The following IQCH variants were observed in gnomAD, a reference collection of about 807,000 sequenced individuals.
IQCH encodes IQ motif containing H, also known as IQ domain-containing protein H.
A neutral mutation model predicts 117.0 loss-of-function variants in IQCH; 98 were observed. The observed-to-expected ratio is 0.84, with a 90% CI of 0.71 to 0.99. The LOEUF (loss-of-function observed/expected upper bound fraction) is 0.99, where lower values mean the gene tolerates loss of function less well. Among genes scored for constraint, IQCH ranks in the 50% least tolerant of loss-of-function variants. The pLI is 0.00. For missense variants in IQCH, 1,102 were observed against 1,243.8 expected (o/e 0.89, Z 1.72); for synonymous variants, 412 against 448.2 (o/e 0.92, Z 1.02).
chr15:67,410,881 C>T (rs1347288450), intron 14 of IQCH, among the ~76,000 whole-genome samples: 2 of 152,118 alleles, frequency 1.3e-5, no homozygotes, highest in African/African-American at 4.8e-5. Flanking sequence ...TGGCAGTTAC[C>T]AGCACAGATT....
At position 67,395,532 on chromosome 15, in the gene IQCH, C is replaced by A. The variant is rs1971436499; in HGVS notation, c.1874C>A (p.Pro625His). The A allele has an allele frequency of 2.5e-6, 4 of 1,613,902 alleles. No homozygotes were observed. ...GACAGTGCCAATGTGGCAGTTCCTC[C>A]TGGAATATATGATATTTATAGTCAG... is the stretch of plus-strand genomic sequence containing the variant. ...VFDSANVAVPPGIYDIYSQQQ... is the reference protein window; with the variant it reads ...VFDSANVAVPHGIYDIYSQQQ... The change falls in exon 13 of 21, where the codon CCT (proline) becomes CAT (histidine). Residue 625 changes from proline to histidine, a missense_variant. Coordinates refer to ENST00000335894, the MANE Select transcript of IQCH (RefSeq NM_001031715.3). The surrounding 1 kb of genome is among the most constrained non-coding windows in gnomAD (Gnocchi z 4.0).
chr15:67,347,557 A>T (rs1400708219), intron 6 of IQCH, among the ~76,000 whole-genome samples: 1 of 151,942 alleles, frequency 6.6e-6, no homozygotes. Context: ...AAAAAAAATG[A>T]TACCATATGG....
chr15:67,412,825 T>C (rs1280476989), intron 14 of IQCH, among the ~76,000 whole-genome samples: 1 of 152,236 alleles, frequency 6.6e-6, no homozygotes, highest in Non-Finnish European at 1.5e-5. Flanking sequence ...ATGGTTCCCC[T>C]AACTCTGTTA....
intron 6 of IQCH, among the ~76,000 whole-genome samples, chr15:67,351,050 G>A (rs928293669): frequency 6.6e-6 from 1 of 152,082 alleles, no homozygotes; most frequent in African/African-American, 2.4e-5. Context: ...CATTTCTTTT[G>A]GCTGCTGTAG....
chr15:67,400,190 T>C lies in IQCH; in HGVS notation c.1982T>C (p.Phe661Ser). ...QRWLFKMDSE[F>S]RGNGTAFCDI... ...TGGCTCTTTAAAATGGACTCTGAGT[T>C]CCGAGGAAATGGGACTGCATTTTGT... Residue 661 changes from phenylalanine to serine, a missense_variant, in exon 14 of 21, where the codon TTC (phenylalanine) becomes TCC (serine). This residue lies in a region of IQCH where 650 missense variants were observed against 794.3 expected (regional missense o/e 0.82). Transcript: ENST00000335894. 6.2e-7 allele frequency: 1 copy of C among 1,613,834 alleles called. No individual in the cohort carries two copies. The highest frequency in any genetic ancestry group is 8.5e-7 in the Non-Finnish European group (1 of 1,179,818).
In IQCH at chr15:67,277,779, C is replaced by T. The variant is rs1170517520; in HGVS notation, c.270-1616C>T. ...CGATCTCCTGACCTCATGATCCACC[C>T]GCCTCAGCCTCCCAAAGTGCTGGGA... is the stretch of plus-strand genomic sequence containing the variant. On this transcript the variant is annotated intron_variant, in intron 3 of 20. Coordinates refer to ENST00000335894, the MANE Select transcript of IQCH (RefSeq NM_001031715.3). 7.2e-5 allele frequency among the ~76,000 whole-genome samples: 11 copies of T among 152,084 alleles called. No individual in the cohort carries two copies. The South Asian group carries it at 1.7e-3, about 23-fold the overall frequency.
chr15:67,446,262 C>T (rs1178179829), intron 16 of IQCH, among the ~76,000 whole-genome samples: 2 of 152,074 alleles, frequency 1.3e-5, no homozygotes, highest in Admixed American at 6.5e-5. Context: ...CTACAAATTG[C>T]CTCAAAGATC....
Position 67,496,860 on chromosome 15 carries a change from T to G in IQCH, c.2970+2494T>G, listed in dbSNP as rs1245260307. Among the ~76,000 whole-genome samples, 1 of 147,906 alleles carries G rather than the reference T, an allele frequency of 6.8e-6. No homozygotes were observed. Among genetic ancestry groups the G allele is most frequent in the Admixed American group, 6.7e-5 (1 of 14,928 alleles). ...GGTGAAACCCCGTCTCTACTAAAAA[T>G]ACAAAAAATTAGCCGGGCACGGTGG... is the stretch of plus-strand genomic sequence containing the variant. On this transcript the variant is annotated intron_variant, in intron 20 of 20. Coordinates refer to ENST00000335894, the MANE Select transcript of IQCH (RefSeq NM_001031715.3). This position sits in a 1 kb window ranked among gnomAD's most constrained non-coding sequence, Gnocchi z 4.4.
In IQCH at chr15:67,475,936, T is replaced by C; in HGVS notation, c.2799+118T>C. 1 of 873,012 alleles carries C rather than the reference T, an allele frequency of 1.1e-6. No individual in the cohort carries two copies. The highest frequency in any genetic ancestry group is 1.8e-6 in the Non-Finnish European group (1 of 562,102). 54.1% of individuals were successfully genotyped at this position (873,012 alleles called of 1,614,324 possible). A position where few individuals can be genotyped will look rare whatever the true frequency, so the allele number is the denominator to read the frequency against. ...TCTTTAAATACCGGTTTGACGTGTC[T>C]GTAGAGGAAGGCTGATTGCTGCTTG... On this transcript the variant is annotated intron_variant, in intron 18 of 20. Coordinates refer to ENST00000335894, the MANE Select transcript of IQCH (RefSeq NM_001031715.3). The surrounding 1 kb of genome is among the most constrained non-coding windows in gnomAD (Gnocchi z 5.7).
intron 4 of IQCH, among the ~76,000 whole-genome samples, chr15:67,299,929 G>A (rs1035528545): frequency 1.3e-5 from 2 of 152,040 alleles, no homozygotes; most frequent in African/African-American, 4.8e-5. Flanking sequence ...AGCTGAATTT[G>A]TCTTTTATAA....
chr15:67,292,421 C>A (rs1372863146), intron 4 of IQCH, among the ~76,000 whole-genome samples: 1 of 152,000 alleles, frequency 6.6e-6, no homozygotes, highest in African/African-American at 2.4e-5. Context: ...CCATACCTGG[C>A]TAATTTTTAA....
At chr15:67,272,500 T>C (rs771188316) in intron 3 of IQCH, among the ~76,000 whole-genome samples, 1 of 152,238 alleles carries the variant, frequency 6.6e-6, no homozygotes, top group Non-Finnish European at 1.5e-5. Flanking sequence ...CTGGATGATC[T>C]GTCCCTTACT....
Position 67,479,127 on chromosome 15 carries a change from G to A in IQCH, c.2799+3309G>A, listed in dbSNP as rs1396167174. Among the ~76,000 whole-genome samples the A allele has an allele frequency of 6.6e-6, 1 of 152,134 alleles. No homozygotes were observed. The highest frequency in any genetic ancestry group is 2.4e-5 in the African/African-American group (1 of 41,422). On this transcript the variant is annotated intron_variant, in intron 18 of 20. Coordinates refer to ENST00000335894, the MANE Select transcript of IQCH (RefSeq NM_001031715.3). This position sits in a 1 kb window ranked among gnomAD's most constrained non-coding sequence, Gnocchi z 4.6. ...CTGTCTTAATTGCCTTTTCTTGGAT[G>A]GGAGGTTGGTAAGTGGTGAACCAGC...
chr15:67,410,617 G>A (rs2081425300), intron 14 of IQCH, among the ~76,000 whole-genome samples: 1 of 152,214 alleles, frequency 6.6e-6, no homozygotes, highest in Non-Finnish European at 1.5e-5. Flanking sequence ...CCAGGATGTG[G>A]CTTTGCTCAT....
chr15:67,445,686 C>T lies in IQCH; in HGVS notation c.2506-19441C>T, dbSNP rs1262671491. ...ACTCCTGACCTGGTGATCCATCTGC[C>T]GTGGCCTCCCAAAGTGCTGGGATAA... On this transcript the variant is annotated intron_variant, in intron 16 of 20. Coordinates refer to ENST00000335894, the MANE Select transcript of IQCH (RefSeq NM_001031715.3). This position sits in a 1 kb window ranked among gnomAD's most constrained non-coding sequence, Gnocchi z 4.3. 6.6e-6 allele frequency among the ~76,000 whole-genome samples: 1 copy of T among 152,176 alleles called. No individual in the cohort carries two copies. Among genetic ancestry groups the T allele is most frequent in the Admixed American group, 6.5e-5 (1 of 15,276 alleles).
rs142744190 is a variant in IQCH at position 67,479,842 on chromosome 15, T to C, written c.2799+4024T>C. 6.6e-6 allele frequency among the ~76,000 whole-genome samples: 1 copy of C among 152,334 alleles called. No homozygotes were observed. Among genetic ancestry groups the C allele is most frequent in the Non-Finnish European group, 1.5e-5 (1 of 68,038 alleles). ...TTTTCCCATTATGATCACAGACTTT[T>C]CAAATGATGTTCTTGTCCAAAGTCC... is the stretch of plus-strand genomic sequence containing the variant. On this transcript the variant is annotated intron_variant, in intron 18 of 20. Transcript: ENST00000335894. The surrounding 1 kb of genome is among the most constrained non-coding windows in gnomAD (Gnocchi z 4.6).
intron 19 of IQCH, among the ~76,000 whole-genome samples, chr15:67,492,368 C>A (rs535015069): frequency 6.6e-6 from 1 of 152,226 alleles, no homozygotes; most frequent in African/African-American, 2.4e-5. Context: ...ACGACTGGAA[C>A]CAGACAAACC....
rs1367260852 is a variant in IQCH, at chr15:67,369,082, GTCTA to G, written c.754-3025_754-3022del. Among the ~76,000 whole-genome samples, 2 of 152,030 alleles carry G rather than the reference GTCTA, an allele frequency of 1.3e-5. No homozygotes were observed. The highest frequency in any genetic ancestry group is 2.4e-5 in the African/African-American group (1 of 41,380). On this transcript the variant is annotated intron_variant, in intron 8 of 20. Transcript: ENST00000335894. This position sits in a 1 kb window ranked among gnomAD's most constrained non-coding sequence, Gnocchi z 5.2. ...TCTAAATTTTAGAATGCAACACTGG[GTCTA>G]TCTTTTTTGCTTAACATCTGTGACT... is the stretch of plus-strand genomic sequence containing the variant.
Position 67,359,702 on chromosome 15 carries a change from AGCTCCTGCCT to A in IQCH, c.715-142_715-133del. On this transcript the variant is annotated intron_variant, in intron 7 of 20. Transcript: ENST00000335894. The surrounding 1 kb of genome is among the most constrained non-coding windows in gnomAD (Gnocchi z 4.5). ...TGTGGGAAAGGTCTTTCTAATTATT[AGCTCCTGCCT>A]GCGTGGAAAGAGAGAACAGGCTGGC... is the stretch of plus-strand genomic sequence containing the variant. 1.4e-6 allele frequency: 1 copy of A among 733,252 alleles called. No individual in the cohort carries two copies. The allele number at this position is 733,252 out of a possible 1,614,324, so 45.4% of individuals were successfully genotyped here.
Sources: allele counts gnomAD v4.1 joint callset (sites outside exome capture counted in the v4.1 genomes callset), GRCh38; gene constraint gnomAD v4.1.1; regional missense constraint gnomAD v4.1.1; non-coding constraint Gnocchi (gnomAD v3.1); transcripts MANE v1.5; gene names NCBI Gene and HGNC (gene_info 2026-07-23, HGNC 2026-07-21).